The following COG3 variants were observed in gnomAD, a reference collection of about 807,000 sequenced individuals.
The protein encoded by COG3 is conserved oligomeric Golgi complex subunit 3.
Under a neutral mutation model 114.1 loss-of-function variants are expected in COG3, and 32 were observed. That is an observed-to-expected ratio of 0.28 (90% CI 0.21 to 0.38). The LOEUF (loss-of-function observed/expected upper bound fraction) is 0.38, where lower values mean the gene tolerates loss of function less well. Ranked by LOEUF, COG3 falls within the 10% of genes least tolerant of loss-of-function variation. The probability of loss-of-function intolerance (pLI) is 1.00; values close to 1 mark genes in which losing one functional copy is unlikely to be tolerated. For synonymous variants in COG3, 352 were observed against 365.7 expected (o/e 0.96, Z 0.43); for missense variants, 813 against 973.2 (o/e 0.84, Z 2.19).
At chr13:45,529,500 A>T (rs1872980479) in intron 20 of COG3, among the ~76,000 whole-genome samples, 1 of 151,938 alleles carries the variant, frequency 6.6e-6, no homozygotes, top group Non-Finnish European at 1.5e-5. Context: ...TTACCTCCAA[A>T]TTCCAAAGGT....
In COG3 at chr13:45,465,036, G is replaced by A. The variant is rs773525363; in HGVS notation, c.-1G>A. The A allele has an allele frequency of 7.7e-6, 12 of 1,568,182 alleles. No individual in the cohort carries two copies. The South Asian group carries it at 9.3e-5, about 12-fold the overall frequency. On this transcript the variant is annotated 5_prime_UTR_variant, in exon 1 of 23. Coordinates refer to ENST00000349995, the MANE Select transcript of COG3 (RefSeq NM_031431.4). Reference sequence around the variant, plus strand: ...TGCTGAAGGCCGCGAGGGCGGCGGCGATGGCGGAGGCGGCGCTGTTGCTGC... The same window carrying A: ...TGCTGAAGGCCGCGAGGGCGGCGGCAATGGCGGAGGCGGCGCTGTTGCTGC...
chr13:45,483,355 G>T lies in COG3; in HGVS notation c.843G>T (p.Arg281Ser). 2 of 1,569,236 alleles carry T rather than the reference G, an allele frequency of 1.3e-6. No individual in the cohort carries two copies. The highest frequency in any genetic ancestry group is 1.2e-5 in the South Asian group (1 of 82,586). ...CCCTCACAAGTCAGTTACTGAAAAG[G>T]GTGAGTTAACTGATCTCAACAACAG... is the stretch of plus-strand genomic sequence containing the variant. ...LQTLTSQLLK[R>S]DPSSVPNADN... The change falls in exon 7 of 23, where the codon AGG becomes AGT. Residue 281 changes from arginine to serine, a missense_variant and splice_region_variant. Arg to Ser is a moderately radical substitution (Grantham distance 110, BLOSUM62 -1). Coordinates refer to ENST00000349995, the MANE Select transcript of COG3 (RefSeq NM_031431.4).
chr13:45,489,972 C>T (rs569116688), intron 8 of COG3, among the ~76,000 whole-genome samples: 1 of 151,948 alleles, frequency 6.6e-6, no homozygotes, highest in African/African-American at 2.4e-5. Context: ...AGAAACATCC[C>T]AAATAGGAAG....
At chr13:45,479,446 T>C (rs911859771) in intron 3 of COG3, among the ~76,000 whole-genome samples, 1 of 151,946 alleles carries the variant, frequency 6.6e-6, no homozygotes, top group Non-Finnish European at 1.5e-5. Flanking sequence ...ACTATACTTC[T>C]GTCAGTGGAT....
rs1873484360 is a variant in COG3, at chr13:45,535,420, A to C, written c.*689A>C. The C allele has an allele frequency of 1.0e-6, 1 of 985,428 alleles. No individual in the cohort carries two copies. The highest frequency in any genetic ancestry group is 1.2e-6 in the Non-Finnish European group (1 of 829,922). 61.0% of individuals were successfully genotyped at this position (985,428 alleles called of 1,614,324 possible). A position where few individuals can be genotyped will look rare whatever the true frequency, so the allele number is the denominator to read the frequency against. ...TAAAGCAAGGAGCTGCAGCATTCTC[A>C]TCATAGATACGTGCAGTATCTTTAA... On this transcript the variant is annotated 3_prime_UTR_variant, in exon 23 of 23. Transcript: ENST00000349995.
chr13:45,530,666 TCTC>T lies in COG3; in HGVS notation c.2359-10_2359-8del. ...AGACAACTCATTTGATAAGATCTCC[TCTC>T]CTCCTTTCTAAGAATAATATTCAGC... On this transcript the variant is annotated splice_polypyrimidine_tract_variant and intron_variant, in intron 21 of 22. Coordinates refer to ENST00000349995, the MANE Select transcript of COG3 (RefSeq NM_031431.4). The T allele has an allele frequency of 6.8e-7, 1 of 1,464,434 alleles. No homozygotes were observed. Among genetic ancestry groups the T allele is most frequent in the Non-Finnish European group, 9.6e-7 (1 of 1,043,900 alleles). 90.7% of individuals were successfully genotyped at this position (1,464,434 alleles called of 1,614,324 possible). A position where few individuals can be genotyped will look rare whatever the true frequency, so the allele number is the denominator to read the frequency against.
intron 15 of COG3, among the ~76,000 whole-genome samples, chr13:45,510,928 A>G (rs9534169): frequency 6.6e-6 from 1 of 152,348 alleles, no homozygotes; most frequent in South Asian, 2.1e-4. Context: ...CTTGTGGGAA[A>G]CCACAGAACA....
At chr13:45,498,462 C>T (rs994587705) in intron 13 of COG3, among the ~76,000 whole-genome samples, 6 of 148,788 alleles carry the variant, frequency 4.0e-5, no homozygotes, top group African/African-American at 1.5e-4. Context: ...CGGGTTCAAG[C>T]GATTTCAAGA....
At position 45,471,941 on chromosome 13, in the gene COG3, T is replaced by C. The variant is rs961196812; in HGVS notation, c.175-4260T>C. Reference sequence around the variant, plus strand: ...AGAGACAGGGTTTCGCCATGTTGGCTAGGCTGGTCCTGGACTCCTGACCTC... The same window carrying C: ...AGAGACAGGGTTTCGCCATGTTGGCCAGGCTGGTCCTGGACTCCTGACCTC... On this transcript the variant is annotated intron_variant, in intron 1 of 22. Coordinates refer to ENST00000349995, the MANE Select transcript of COG3 (RefSeq NM_031431.4). Among the ~76,000 whole-genome samples, 4 of 152,218 alleles carry C rather than the reference T, an allele frequency of 2.6e-5. No homozygotes were observed. The South Asian group carries it at 6.2e-4, about 24-fold the overall frequency.
chr13:45,516,468 T>G (rs1047199675), intron 17 of COG3, among the ~76,000 whole-genome samples: 4 of 152,368 alleles, frequency 2.6e-5, no homozygotes, highest in Middle Eastern at 3.4e-3. Context: ...GAACTGTATC[T>G]GGACATTTCA....
chr13:45,500,291 ATT>A (rs1293070074), intron 13 of COG3, among the ~76,000 whole-genome samples: 1 of 152,078 alleles, frequency 6.6e-6, no homozygotes, highest in Admixed American at 6.6e-5. Context: ...ATGTAATCTA[ATT>A]TTTGCCAGGT....
At position 45,535,034 on chromosome 13, in the gene COG3, A is replaced by T; in HGVS notation, c.*303A>T. ...ACATGCAGTGAAATGGTTCTTTGTT[A>T]AAAATGTGCAATAAAAATAGATTAC... On this transcript the variant is annotated 3_prime_UTR_variant, in exon 23 of 23. Coordinates refer to ENST00000349995, the MANE Select transcript of COG3 (RefSeq NM_031431.4). 1 of 1,144,054 alleles carries T rather than the reference A, an allele frequency of 8.7e-7. No individual in the cohort carries two copies. Among genetic ancestry groups the T allele is most frequent in the African/African-American group, 1.6e-5 (1 of 62,528 alleles). The allele number at this position is 1,144,054 out of a possible 1,614,324, so 70.9% of individuals were successfully genotyped here.
In COG3 at chr13:45,499,943, G is replaced by A. The variant is rs530398859; in HGVS notation, c.1489-3301G>A. 6.6e-4 allele frequency among the ~76,000 whole-genome samples: 101 copies of A among 151,920 alleles called. 1 individual carries two copies. Among genetic ancestry groups the A allele is most frequent in the Non-Finnish European group, 1.2e-3 (81 of 67,986 alleles). Reference sequence around the variant, plus strand: ...AGAGGTGGGAGGATCACCTGAGCCCGGGAGATGGAGGCTGGGGTGAGCTGT... The same window carrying A: ...AGAGGTGGGAGGATCACCTGAGCCCAGGAGATGGAGGCTGGGGTGAGCTGT... On this transcript the variant is annotated intron_variant, in intron 13 of 22. Transcript: ENST00000349995.
chr13:45,526,966 A>G (rs375547948), intron 20 of COG3, among the ~76,000 whole-genome samples: 1 of 152,216 alleles, frequency 6.6e-6, no homozygotes, highest in African/African-American at 2.4e-5. Flanking sequence ...AATTGCTTTT[A>G]TAGGGCTTAG....
rs10558884 is a variant in COG3 at position 45,474,151 on chromosome 13, C to CTTTTT, written c.175-2030_175-2026dup. ...CCACATCTTTGTTTTCTTTTTTACT[C>CTTTTT]TTTTTTTTTTTTTTTTTTTTTTTTG... On this transcript the variant is annotated intron_variant, in intron 1 of 22. Coordinates refer to ENST00000349995, the MANE Select transcript of COG3 (RefSeq NM_031431.4). Among the ~76,000 whole-genome samples the CTTTTT allele has an allele frequency of 8.4e-3, 692 of 81,922 alleles. 9 individuals are homozygous for CTTTTT. Among genetic ancestry groups the CTTTTT allele is most frequent in the African/African-American group, 0.018 (372 of 20,170 alleles). The allele number at this position is 81,922 out of a possible 152,430, so 53.7% of individuals were successfully genotyped here. A position where few individuals can be genotyped will look rare whatever the true frequency, so the allele number is the denominator to read the frequency against.
intron 19 of COG3, among the ~76,000 whole-genome samples, chr13:45,521,617 C>T (rs1045500424): frequency 2.0e-5 from 3 of 150,800 alleles, no homozygotes; most frequent in Non-Finnish European, 1.5e-5. Context: ...CCATTTCAGA[C>T]ACTGCATCTT....
At chr13:45,516,509 C>T (rs1871558410) in intron 17 of COG3, among the ~76,000 whole-genome samples, 1 of 152,172 alleles carries the variant, frequency 6.6e-6, no homozygotes, top group South Asian at 2.1e-4. Flanking sequence ...TTAGACTCTG[C>T]CACATATTCC....
At chr13:45,487,571 A>G (rs1025100383) in intron 8 of COG3, among the ~76,000 whole-genome samples, 1 of 152,218 alleles carries the variant, frequency 6.6e-6, no homozygotes, top group Admixed American at 6.5e-5. Context: ...AAAAGTAGGC[A>G]AAGAGACTGA....
At chr13:45,499,634 G>A (rs1869232946) in intron 13 of COG3, among the ~76,000 whole-genome samples, 1 of 152,200 alleles carries the variant, frequency 6.6e-6, no homozygotes, top group Admixed American at 6.5e-5. Flanking sequence ...TAATGACCCA[G>A]AAAGCACTTA....
Sources: allele counts gnomAD v4.1 joint callset (sites outside exome capture counted in the v4.1 genomes callset), GRCh38; gene constraint gnomAD v4.1.1; transcripts MANE v1.5; gene names NCBI Gene and HGNC (gene_info 2026-07-23, HGNC 2026-07-21).